Variants in ARHGAP20 observed in about 807,000 individuals in gnomAD.
ARHGAP20 encodes the protein Rho GTPase activating protein 20.
ARHGAP20 carries 34 observed loss-of-function variants against 73.7 expected under a neutral mutation model. The ratio of observed to expected loss-of-function variants is 0.46; its 90% confidence interval spans 0.35 to 0.61. The LOEUF (loss-of-function observed/expected upper bound fraction) is 0.61. Among genes scored for constraint, ARHGAP20 ranks in the 20% least tolerant of loss-of-function variants. ARHGAP20 has a pLI of 0.00. For missense variants in ARHGAP20, 1,314 were observed against 1,420.9 expected, an observed-to-expected ratio of 0.92 and a Z score of 1.21; for synonymous variants, 523 against 518.2, an observed-to-expected ratio of 1.01 and a Z score of -0.13.
intron 11 of ARHGAP20, 47 bp from the exon 12 acceptor site, chr11:110,586,372 C>A: frequency 8.3e-7 from 1 of 1,198,344 alleles, no homozygotes; most frequent in South Asian, 1.5e-5. Flanking sequence ...ATCCTCATGC[C>A]AAATATGTAT....
intron 2 of ARHGAP20, among the ~76,000 whole-genome samples, chr11:110,684,409 C>T (rs1485861783): frequency 1.3e-5 from 2 of 152,114 alleles, no homozygotes; most frequent in East Asian, 1.9e-4. Flanking sequence ...ATTATCTAGA[C>T]ATATTATTGG....
At chr11:110,596,651 G>T (rs1030193011) in intron 9 of ARHGAP20, among the ~76,000 whole-genome samples, 95 of 152,306 alleles carry the variant, frequency 6.2e-4, no homozygotes, top group African/African-American at 2.0e-3. Context: ...ACAGGTGCTG[G>T]ATAGGATGTG....
chr11:110,613,797 CAT>C (rs1239843477), intron 6 of ARHGAP20, among the ~76,000 whole-genome samples: 1 of 152,112 alleles, frequency 6.6e-6, no homozygotes, highest in Admixed American at 6.6e-5. Flanking sequence ...TTGCCCAAAA[CAT>C]AACTATTTTG....
rs185652884 is a variant in ARHGAP20, at chr11:110,593,352, T to C, written c.965-1197A>G. 1.5e-3 allele frequency among the ~76,000 whole-genome samples: 227 copies of C among 152,308 alleles called. 1 individual carries two copies. The highest frequency in any genetic ancestry group is 2.2e-3 in the Non-Finnish European group (151 of 68,032). ...TTATGATTTAATACATAAAAATCTCTTTAAGGTTACACTTTTAAAAGTGGC... is the reference window on the plus strand; with the variant it reads ...TTATGATTTAATACATAAAAATCTCCTTAAGGTTACACTTTTAAAAGTGGC... On this transcript the variant is annotated intron_variant, in intron 9 of 14. Coordinates refer to ENST00000683387, the MANE Select transcript of ARHGAP20 (RefSeq NM_001384657.1).
In ARHGAP20 at chr11:110,580,049, AAC is replaced by A; in HGVS notation, c.2895_2896del (p.Phe966TyrfsTer4). 6.2e-7 allele frequency: 1 copy of A among 1,614,208 alleles called. No individual in the cohort carries two copies. On this transcript the variant is annotated frameshift_variant, in exon 15 of 15. Transcript: ENST00000683387. LOFTEE classifies it low-confidence loss of function (END_TRUNC). Reference sequence around the variant, plus strand: ...TGGAGAGGAAGTCTCAGTGGGTGTAAACACAGAGTGTTCAGAAATCTGAGAAA... The same window carrying A: ...TGGAGAGGAAGTCTCAGTGGGTGTAAACAGAGTGTTCAGAAATCTGAGAAA...
At chr11:110,690,133 T>A (rs754495864) in intron 2 of ARHGAP20, among the ~76,000 whole-genome samples, 8 of 152,178 alleles carry the variant, frequency 5.3e-5, no homozygotes, top group Non-Finnish European at 7.3e-5. Flanking sequence ...AATCATAATA[T>A]GGTTATCTTC....
chr11:110,666,700 T>G (rs1404691715), intron 2 of ARHGAP20, among the ~76,000 whole-genome samples: 2 of 152,244 alleles, frequency 1.3e-5, no homozygotes, highest in Admixed American at 6.5e-5. Context: ...CCATCACATT[T>G]TAATAATCTC....
chr11:110,641,817 C>A (rs529884206), intron 2 of ARHGAP20, among the ~76,000 whole-genome samples: 24 of 152,198 alleles, frequency 1.6e-4, no homozygotes, highest in African/African-American at 5.8e-4. Context: ...ATTTAGTCAT[C>A]TTTGTGTGTG....
intron 2 of ARHGAP20, among the ~76,000 whole-genome samples, chr11:110,636,291 G>T (rs1948966389): frequency 6.6e-6 from 1 of 152,092 alleles, no homozygotes; most frequent in African/African-American, 2.4e-5. Context: ...ACCTGTCTGG[G>T]TCATGGTTTG....
chr11:110,579,498 A>C lies in ARHGAP20; in HGVS notation c.3448T>G (p.Ser1150Ala), dbSNP rs959288824. 2 of 1,614,012 alleles carry C rather than the reference A, an allele frequency of 1.2e-6. No individual in the cohort carries two copies. Among genetic ancestry groups the C allele is most frequent in the African/African-American group, 2.7e-5 (2 of 74,908 alleles). Residue 1150 changes from serine (S) to alanine (A), a missense_variant, in exon 15 of 15, where the codon TCT (serine) becomes GCT (alanine). By Grantham distance (99) the Ser-to-Ala change is moderately conservative (BLOSUM62 1). Coordinates refer to ENST00000683387, the MANE Select transcript of ARHGAP20 (RefSeq NM_001384657.1). ...CTTTCCCAAGGCAGAGAACCAGAAG[A>C]GCTCTGACTACCAGGCTCTATTTCC... Reference protein sequence around the residue: ...HEEIEPGSQSSSGSLPWERAS... With the variant: ...HEEIEPGSQSASGSLPWERAS...
intron 2 of ARHGAP20, among the ~76,000 whole-genome samples, chr11:110,635,858 T>C (rs553477062): frequency 2.6e-5 from 4 of 152,084 alleles, no homozygotes; most frequent in Non-Finnish European, 5.9e-5. Flanking sequence ...TCTTTTAGTA[T>C]GTAGTGATTT....
chr11:110,661,962 C>A (rs1346567101), intron 2 of ARHGAP20, among the ~76,000 whole-genome samples: 1 of 151,986 alleles, frequency 6.6e-6, no homozygotes, highest in African/African-American at 2.4e-5. Context: ...CATAATAATT[C>A]ATCAGTAAGG....
chr11:110,702,655 AT>A (rs1347971954), intron 1 of ARHGAP20, among the ~76,000 whole-genome samples: 9 of 152,190 alleles, frequency 5.9e-5, no homozygotes, highest in African/African-American at 1.7e-4. Context: ...TCAGCCCAAA[AT>A]CTCCTTAAGC....
chr11:110,595,945 G>A (rs1947948045), intron 9 of ARHGAP20, among the ~76,000 whole-genome samples: 1 of 151,992 alleles, frequency 6.6e-6, no homozygotes, highest in Admixed American at 6.6e-5. Context: ...CCAAAACAGA[G>A]ATATAGATCA....
In ARHGAP20 at chr11:110,690,560, G is replaced by A. The variant is rs1467575457; in HGVS notation, c.175C>T (p.Arg59Trp). 9.9e-6 allele frequency: 16 copies of A among 1,613,824 alleles called. No homozygotes were observed. Among genetic ancestry groups the A allele is most frequent in the East Asian group, 2.2e-5 (1 of 44,870 alleles). Residue 59 changes from arginine to tryptophan, a missense_variant, in exon 2 of 15, where the codon CGG becomes TGG. By Grantham distance (101) the Arg-to-Trp change is moderately radical. Transcript: ENST00000683387. ...SLILDKALQK[R>W]PTTRDSPSAS... ...CTTTGCACTTACCTGGTAGTAGGCCGTTTTTGTAGGGCTTTATCCAGGATA... is the reference window on the plus strand; with the variant it reads ...CTTTGCACTTACCTGGTAGTAGGCCATTTTTGTAGGGCTTTATCCAGGATA...
At chr11:110,669,411 C>G (rs113722433) in intron 2 of ARHGAP20, among the ~76,000 whole-genome samples, 4,379 of 151,952 alleles carry the variant, frequency 0.029, 190 homozygotes, top group African/African-American at 0.094. Flanking sequence ...GTGGTTAGTG[C>G]CTACCATACT....
At chr11:110,629,235 G>A (rs899269147) in intron 3 of ARHGAP20, among the ~76,000 whole-genome samples, 4 of 152,128 alleles carry the variant, frequency 2.6e-5, no homozygotes, top group Non-Finnish European at 4.4e-5. Flanking sequence ...AGCAGCCGTT[G>A]GAAGTAAGGC....
At chr11:110,650,451 T>C (rs929803608) in intron 2 of ARHGAP20, among the ~76,000 whole-genome samples, 1 of 152,142 alleles carries the variant, frequency 6.6e-6, no homozygotes, top group Admixed American at 6.6e-5. Context: ...TTTTTCTTTC[T>C]TTTGGCTGGT....
chr11:110,635,044 C>T (rs1948937051), intron 2 of ARHGAP20, among the ~76,000 whole-genome samples: 1 of 151,856 alleles, frequency 6.6e-6, no homozygotes, highest in Admixed American at 6.6e-5. Context: ...GACTTGTCAC[C>T]TCAATTATCA....
Sources: allele counts gnomAD v4.1 joint callset (sites outside exome capture counted in the v4.1 genomes callset), GRCh38; gene constraint gnomAD v4.1.1; transcripts MANE v1.5; gene names NCBI Gene and HGNC (gene_info 2026-07-23, HGNC 2026-07-21).